The following KCNH7 variants were observed in gnomAD, a reference collection of about 807,000 sequenced individuals.
The protein encoded by KCNH7 is voltage-gated inwardly rectifying potassium channel KCNH7.
KCNH7 carries 49 observed loss-of-function variants against 120.8 expected under a neutral mutation model. That is an observed-to-expected ratio of 0.41 (90% confidence interval 0.32 to 0.51). The LOEUF (loss-of-function observed/expected upper bound fraction) is 0.51, where lower values mean the gene tolerates loss of function less well. Among genes scored for constraint, KCNH7 ranks in the 20% least tolerant of loss-of-function variants. KCNH7 has a pLI of 0.38. For synonymous variants in KCNH7, 547 were observed against 516.1 expected (o/e 1.06, Z -0.81); for missense variants, 1,097 against 1,446.6 (o/e 0.76, Z 3.92).
intron 2 of KCNH7, among the ~76,000 whole-genome samples, chr2:162,604,756 T>C (rs1463254547): frequency 1.3e-5 from 2 of 152,066 alleles, no homozygotes; most frequent in African/African-American, 4.8e-5. Context: ...TTTTTCTAAA[T>C]TTTTCATATC....
rs778077015 is a variant in KCNH7, at chr2:162,517,773, G to C, written c.849C>G (p.Gly283=). The C allele has an allele frequency of 2.5e-6, 4 of 1,586,808 alleles. No homozygotes were observed. In the African/African-American group the frequency reaches 5.4e-5, roughly 21 times the overall value. ...CTCTAAATATGTTCTTGGGGTGGAC[G>C]CCGAATCCTTCTATATCATGGACCG... ...ASSVHDIEGF[G]VHPKNIFRDR... The change falls in exon 4 of 16, where the codon GGC becomes GGG. Residue 283 remains glycine, a synonymous_variant. Coordinates refer to ENST00000332142, the MANE Select transcript of KCNH7 (RefSeq NM_033272.4).
intron 2 of KCNH7, among the ~76,000 whole-genome samples, chr2:162,639,883 A>G (rs1684088717): frequency 6.6e-6 from 1 of 152,098 alleles, no homozygotes; most frequent in East Asian, 1.9e-4. Context: ...AGGGCACAGG[A>G]GACATATACA....
intron 2 of KCNH7, among the ~76,000 whole-genome samples, chr2:162,553,092 T>C (rs1324446511): frequency 6.6e-6 from 1 of 152,212 alleles, no homozygotes; most frequent in African/African-American, 2.4e-5. Flanking sequence ...TATCTGACAT[T>C]TTACAAAAGT....
At chr2:162,540,224 A>G (rs1692258036) in intron 2 of KCNH7, among the ~76,000 whole-genome samples, 1 of 151,756 alleles carries the variant, frequency 6.6e-6, no homozygotes, top group Admixed American at 6.6e-5. Flanking sequence ...ATTATTTACA[A>G]TAATATTAGC....
At chr2:162,605,180 A>C (rs1006930336) in intron 2 of KCNH7, among the ~76,000 whole-genome samples, 1 of 152,104 alleles carries the variant, frequency 6.6e-6, no homozygotes, top group African/African-American at 2.4e-5. Context: ...AAGCTTCTTT[A>C]AGACAGATTG....
At chr2:162,576,293 G>A (rs59240289) in intron 2 of KCNH7, among the ~76,000 whole-genome samples, 5,005 of 152,088 alleles carry the variant, frequency 0.033, 300 homozygotes, top group African/African-American at 0.12. Flanking sequence ...AATAATTGCA[G>A]CTCTCTTAAC....
chr2:162,823,909 T>TTTTTTTTTTGAGACG (rs1323149636), intron 2 of KCNH7, among the ~76,000 whole-genome samples: 4 of 152,152 alleles, frequency 2.6e-5, no homozygotes, highest in Non-Finnish European at 4.4e-5. Flanking sequence ...ATTTTTTAAT[T>TTTTTTTTTTGAGACG]GCCATATAAG....
chr2:162,635,647 A>T (rs1156550052), intron 2 of KCNH7, among the ~76,000 whole-genome samples: 2 of 152,046 alleles, frequency 1.3e-5, no homozygotes, highest in African/African-American at 4.8e-5. Context: ...GTTGTGATCT[A>T]TTCACCTCTT....
intron 2 of KCNH7, among the ~76,000 whole-genome samples, chr2:162,555,264 C>A (rs1692815800): frequency 1.3e-5 from 2 of 152,280 alleles, no homozygotes; most frequent in Admixed American, 1.3e-4. Context: ...TCCTTCCTCT[C>A]CCCCATCAAG....
At chr2:162,499,098 G>C (rs1690592191) in intron 6 of KCNH7, among the ~76,000 whole-genome samples, 1 of 151,986 alleles carries the variant, frequency 6.6e-6, no homozygotes, top group Non-Finnish European at 1.5e-5. Flanking sequence ...AGGGAGAGTG[G>C]TCTAATACAA....
At chr2:162,613,055 A>G (rs1160252496) in intron 2 of KCNH7, among the ~76,000 whole-genome samples, 2 of 151,994 alleles carry the variant, frequency 1.3e-5, no homozygotes, top group Non-Finnish European at 2.9e-5. Flanking sequence ...AATGACAGAA[A>G]GTAGAGAGAA....
Position 162,518,039 on chromosome 2 carries a change from C to A in KCNH7, c.583G>T (p.Val195Leu), listed in dbSNP as rs747731237. 1 of 1,612,438 alleles carries A rather than the reference C, an allele frequency of 6.2e-7. No homozygotes were observed. The highest frequency in any genetic ancestry group is 2.2e-5 in the East Asian group (1 of 44,778). The change falls in exon 4 of 16, where the codon GTA (valine) becomes TTA (leucine). Residue 195 changes from valine to leucine, a missense_variant. Coordinates refer to ENST00000332142, the MANE Select transcript of KCNH7 (RefSeq NM_033272.4). ...IDSSKHSDDS[V>L]AMKHFKSPTK... ...GGAGACTTAAAATGCTTCATGGCTACTGAATCATCACTGTGTTTAGATGAA... is the reference window on the plus strand; with the variant it reads ...GGAGACTTAAAATGCTTCATGGCTAATGAATCATCACTGTGTTTAGATGAA...
chr2:162,587,516 AG>A (rs1694057068), intron 2 of KCNH7, among the ~76,000 whole-genome samples: 1 of 152,116 alleles, frequency 6.6e-6, no homozygotes, highest in Non-Finnish European at 1.5e-5. Context: ...TATAGCATTT[AG>A]AATTTTTTTA....
At chr2:162,472,636 T>A (rs1265338733) in intron 6 of KCNH7, among the ~76,000 whole-genome samples, 1 of 152,230 alleles carries the variant, frequency 6.6e-6, no homozygotes, top group African/African-American at 2.4e-5. Context: ...TTTACACTGT[T>A]GGTGGGACTG....
At chr2:162,836,482 AAAATTTCTTTTC>A in intron 2 of KCNH7, 43 bp downstream of exon 2, 1 of 1,426,266 alleles carries the variant, frequency 7.0e-7, no homozygotes, top group Non-Finnish European at 9.8e-7. Flanking sequence ...TTTAATAGTC[AAAATTTCTTTTC>A]AATGGGATCA....
chr2:162,510,879 C>T (rs1691049009), intron 5 of KCNH7, among the ~76,000 whole-genome samples: 3 of 151,626 alleles, frequency 2.0e-5, no homozygotes, highest in Non-Finnish European at 3.0e-5. Flanking sequence ...GCTTGAAAAA[C>T]GTAATGAAGA....
intron 5 of KCNH7, among the ~76,000 whole-genome samples, chr2:162,509,489 A>G (rs1456599580): frequency 6.6e-6 from 1 of 151,660 alleles, no homozygotes; most frequent in Non-Finnish European, 1.5e-5. Flanking sequence ...CTTAACATGA[A>G]AGAAGATGCA....
intron 6 of KCNH7, among the ~76,000 whole-genome samples, chr2:162,472,738 G>A (rs1173620144): frequency 6.6e-6 from 1 of 152,082 alleles, no homozygotes; most frequent in Non-Finnish European, 1.5e-5. Context: ...CCCATTACTG[G>A]GTATACACCC....
chr2:162,429,756 TACTTA>T (rs1489458834), intron 8 of KCNH7, among the ~76,000 whole-genome samples: 6 of 150,958 alleles, frequency 4.0e-5, no homozygotes, highest in Non-Finnish European at 8.8e-5. Context: ...ATTTTATTCA[TACTTA>T]ACTTGTTTGG....
Sources: allele counts gnomAD v4.1 joint callset (sites outside exome capture counted in the v4.1 genomes callset), GRCh38; gene constraint gnomAD v4.1.1; transcripts MANE v1.5; gene names NCBI Gene and HGNC (gene_info 2026-07-23, HGNC 2026-07-21).